FBXO10: variants seen among roughly 807,000 people sequenced by gnomAD.
The protein encoded by FBXO10 is F-box only protein 10.
A neutral mutation model predicts 80.7 loss-of-function variants in FBXO10; 39 were observed. The observed-to-expected ratio is 0.48, with a 90% CI of 0.37 to 0.63. FBXO10 has a LOEUF of 0.63. FBXO10 is among the 30% of genes least tolerant of loss of function. The probability of loss-of-function intolerance (pLI) is 0.00; values close to 1 mark genes in which losing one functional copy is unlikely to be tolerated. For synonymous variants in FBXO10, 449 were observed against 489.6 expected (o/e 0.92, Z 1.09); for missense variants, 1,025 against 1,269.0 (o/e 0.81, Z 2.92).
At chr9:37,513,342 T>C (rs1325879910) in intron 10 of FBXO10, among the ~76,000 whole-genome samples, 4 of 152,196 alleles carry the variant, frequency 2.6e-5, no homozygotes, top group African/African-American at 9.7e-5. Flanking sequence ...CAAATGTTTA[T>C]AGAAGCTTTA....
intron 1 of FBXO10, among the ~76,000 whole-genome samples, chr9:37,554,929 TTTTAA>T (rs1266228320): frequency 6.6e-6 from 1 of 152,202 alleles, no homozygotes; most frequent in East Asian, 1.9e-4. Flanking sequence ...TGTGGACACG[TTTTAA>T]TTTTTCTTGA....
chr9:37,576,001 C>T (rs1414668795), intron 1 of FBXO10, among the ~76,000 whole-genome samples: 1 of 152,260 alleles, frequency 6.6e-6, no homozygotes, highest in African/African-American at 2.4e-5. Flanking sequence ...GCGCCTGAGC[C>T]TCCGGATGCC....
intron 3 of FBXO10, among the ~76,000 whole-genome samples, chr9:37,536,798 T>A (rs116588174): frequency 0.015 from 2,355 of 152,240 alleles, 57 homozygotes; most frequent in African/African-American, 0.053. Context: ...TTGTTTCTCC[T>A]ACTCCGACAT....
Position 37,535,705 on chromosome 9 carries a change from C to A in FBXO10, c.1419+1405G>T, listed in dbSNP as rs1045531522. Among the ~76,000 whole-genome samples, 7 of 152,268 alleles carry A rather than the reference C, an allele frequency of 4.6e-5. No individual in the cohort carries two copies. In the South Asian group the frequency reaches 6.2e-4, roughly 14 times the overall value. On this transcript the variant is annotated intron_variant, in intron 3 of 10. Transcript: ENST00000432825. ...CAAGCAACCAGGCTCCTCCTGCCAG[C>A]CTTTACCCTCCTGGGATGTTCTAGA...
chr9:37,563,781 G>A (rs1822537396), intron 1 of FBXO10, among the ~76,000 whole-genome samples: 1 of 152,198 alleles, frequency 6.6e-6, no homozygotes, highest in South Asian at 2.1e-4. Context: ...GAGCATAAAA[G>A]TTTGGAAAAT....
chr9:37,522,637 TG>T, intron 7 of FBXO10, 187 bp downstream of exon 7: 1 of 1,205,100 alleles, frequency 8.3e-7, no homozygotes, highest in Non-Finnish European at 1.1e-6. Flanking sequence ...GGGGTCAATC[TG>T]GACTACAATG....
chr9:37,554,646 T>G (rs1265810836), intron 1 of FBXO10, among the ~76,000 whole-genome samples: 1 of 152,212 alleles, frequency 6.6e-6, no homozygotes, highest in Non-Finnish European at 1.5e-5. Flanking sequence ...CTACTACAGA[T>G]TAGTTTTGTC....
chr9:37,533,318 G>A (rs1821675104), intron 3 of FBXO10, among the ~76,000 whole-genome samples: 1 of 152,140 alleles, frequency 6.6e-6, no homozygotes, highest in African/African-American at 2.4e-5. Context: ...GGCCGAGGTG[G>A]GCGGATCACT....
intron 5 of FBXO10, 88 bp downstream of exon 5, chr9:37,529,028 GCATCTGTA>G: frequency 4.0e-6 from 6 of 1,487,052 alleles, no homozygotes; most frequent in Non-Finnish European, 4.6e-6. Context: ...TTCTCTGCTT[GCATCTGTA>G]CAGTTGTTTC....
intron 1 of FBXO10, among the ~76,000 whole-genome samples, chr9:37,543,469 G>A (rs538416305): frequency 6.6e-6 from 1 of 152,274 alleles, no homozygotes; most frequent in African/African-American, 2.4e-5. Context: ...AATAGCCTCT[G>A]GTGATCATTT....
intron 10 of FBXO10, chr9:37,515,012 G>A (rs924309753): frequency 6.6e-6 from 1 of 152,148 alleles, no homozygotes; most frequent in Non-Finnish European, 1.5e-5. Context: ...CACTTAGAAA[G>A]ATTAACCTGG....
At chr9:37,544,371 T>C (rs1052233868) in intron 1 of FBXO10, among the ~76,000 whole-genome samples, 1 of 152,130 alleles carries the variant, frequency 6.6e-6, no homozygotes, top group Non-Finnish European at 1.5e-5. Flanking sequence ...AGGCAGAGGT[T>C]GCAGTGAGCC....
rs201975023 is a variant in FBXO10, at chr9:37,512,652, C to T, written c.2766G>A (p.Ser922=). 107 of 1,613,870 alleles carry T rather than the reference C, an allele frequency of 6.6e-5. No individual in the cohort carries two copies. Among genetic ancestry groups the T allele is most frequent in the Non-Finnish European group, 8.2e-5 (97 of 1,179,872 alleles). Residue 922 remains serine, a synonymous_variant, in exon 11 of 11, where the codon TCG becomes TCA. Coordinates refer to ENST00000432825, the MANE Select transcript of FBXO10 (RefSeq NM_012166.3). The part of the protein sequence containing the change: ...PHLENSLRRP[S]AAHNGQKVTA... ...TCACCTTCTGCCCATTGTGGGCTGC[C>T]GAGGGACGTCTGAGAGAATTTTCAA...
At position 37,512,123 on chromosome 9, in the gene FBXO10, G is replaced by A. The variant is rs1473861429; in HGVS notation, c.*424C>T. ...TGAGAGGGAGACAGCTCTAGCAAAG[G>A]GGAAAATTCTGGAGCAGTTGTCTCT... On this transcript the variant is annotated 3_prime_UTR_variant, in exon 11 of 11. Coordinates refer to ENST00000432825, the MANE Select transcript of FBXO10 (RefSeq NM_012166.3). 6.5e-6 allele frequency: 1 copy of A among 153,660 alleles called. No individual in the cohort carries two copies. The highest frequency in any genetic ancestry group is 2.4e-5 in the African/African-American group (1 of 41,452). The allele number at this position is 153,660 out of a possible 1,614,324, so 9.5% of individuals were successfully genotyped here.
intron 1 of FBXO10, among the ~76,000 whole-genome samples, chr9:37,554,463 G>A (rs1822285555): frequency 6.6e-6 from 1 of 152,104 alleles, no homozygotes. Context: ...CCAGTAGTGT[G>A]TATTTGCAGA....
chr9:37,522,741 G>A (rs953194962), intron 7 of FBXO10, 84 bp downstream of exon 7: 11 of 1,461,706 alleles, frequency 7.5e-6, no homozygotes, highest in Non-Finnish European at 9.3e-6. Context: ...ACAGGGAAAG[G>A]CAGTGACCTT....
chr9:37,525,021 C>G (rs1821431883), intron 6 of FBXO10, 81 bp downstream of exon 6: 12 of 1,181,280 alleles, frequency 1.0e-5, no homozygotes, highest in African/African-American at 3.1e-5. Context: ...GGTAAAGGAG[C>G]AGTGTGAGGT....
At chr9:37,519,864 C>G (rs1178732206) in intron 8 of FBXO10, among the ~76,000 whole-genome samples, 2 of 151,874 alleles carry the variant, frequency 1.3e-5, no homozygotes, top group African/African-American at 4.8e-5. Flanking sequence ...ATTGCCCAGG[C>G]AGTAGTGCAG....
chr9:37,528,986 T>G, intron 5 of FBXO10, 138 bp downstream of exon 5: 4 of 1,166,588 alleles, frequency 3.4e-6, no homozygotes, highest in Non-Finnish European at 4.8e-6. Flanking sequence ...AAAGCCGCTG[T>G]GTTACTGGGG....
Sources: gnomAD v4.1 joint callset for allele counts (sites outside exome capture counted in the v4.1 genomes callset) on GRCh38, gnomAD v4.1.1 for gene constraint, MANE v1.5 for transcripts, NCBI Gene and HGNC (gene_info 2026-07-23, HGNC 2026-07-21) for gene names.